Variants in PGC observed in about 807,000 individuals in gnomAD.
The protein encoded by PGC is progastricsin, also known as gastricsin.
A neutral mutation model predicts 45.9 loss-of-function variants in PGC; 31 were observed. The observed-to-expected ratio is 0.67, with a 90% CI of 0.51 to 0.91. The LOEUF is 0.91. Among genes scored for constraint, PGC ranks in the 40% least tolerant of loss-of-function variants. The pLI is 0.00. For synonymous variants in PGC, 192 were observed against 201.8 expected (o/e 0.95, Z 0.41); for missense variants, 477 against 493.2 (o/e 0.97, Z 0.31).
Position 41,744,899 on chromosome 6 carries a change from T to G in PGC, c.60-91A>C. ...CTCTCTCCTTCTCTTAACTGCATGC[T>G]TCAACCTCCCTGCCACTCTGTTTGT... On this transcript the variant is annotated intron_variant, in intron 1 of 8. Coordinates refer to ENST00000373025, the MANE Select transcript of PGC (RefSeq NM_002630.4). This position sits in a 1 kb window ranked among gnomAD's most constrained non-coding sequence, Gnocchi z 4.4. 5.4e-5 allele frequency: 58 copies of G among 1,072,844 alleles called. No homozygotes were observed. The highest frequency in any genetic ancestry group is 6.8e-5 in the Non-Finnish European group (50 of 738,184). The allele number at this position is 1,072,844 out of a possible 1,614,324, so 66.5% of individuals were successfully genotyped here.
At chr6:41,737,656 C>T (rs1397853156) in intron 8 of PGC, 74 bp downstream of exon 8, 2 of 857,046 alleles carry the variant, frequency 2.3e-6, no homozygotes, top group African/African-American at 1.7e-5. Flanking sequence ...GCAGGAGACC[C>T]AGCATTTCTG....
rs531970409 is a variant in PGC, at chr6:41,744,448, C to A, written c.277G>T (p.Gly93Cys). The A allele has an allele frequency of 6.2e-7, 1 of 1,613,526 alleles. No individual in the cohort carries two copies. The highest frequency in any genetic ancestry group is 1.3e-5 in the African/African-American group (1 of 74,998). Residue 93 changes from glycine to cysteine, a missense_variant, in exon 3 of 9, where the codon GGC becomes TGC. Transcript: ENST00000373025. The surrounding 1 kb of genome is among the most constrained non-coding windows in gnomAD (Gnocchi z 4.4). ...PQNFLVLFDT[G>C]SSNLWVPSVY... ...GAGGGCACCCACAAGTTGGAGGAGC[C>A]GGTGTCAAAAAGGACCAGGAAGTTC...
Position 41,744,599 on chromosome 6 carries a change from C to A in PGC, c.210+59G>T, listed in dbSNP as rs746049147. On this transcript the variant is annotated intron_variant, in intron 2 of 8. Coordinates refer to ENST00000373025, the MANE Select transcript of PGC (RefSeq NM_002630.4). This position sits in a 1 kb window ranked among gnomAD's most constrained non-coding sequence, Gnocchi z 4.4. ...ATGGGCAGAGGAGTGAAGGGACCTG[C>A]CCCTTCCCTCCAGCCCACACCAGAG... 8 of 1,589,560 alleles carry A rather than the reference C, an allele frequency of 5.0e-6. No homozygotes were observed. The South Asian group carries it at 8.9e-5, about 18-fold the overall frequency.
Position 41,742,489 on chromosome 6 carries a change from C to T in PGC, c.448G>A (p.Val150Ile). The T allele has an allele frequency of 6.2e-7, 1 of 1,613,900 alleles. No homozygotes were observed. Residue 150 changes from valine to isoleucine, a missense_variant and splice_region_variant, in exon 5 of 9, where the codon GTC becomes ATC. Coordinates refer to ENST00000373025, the MANE Select transcript of PGC (RefSeq NM_002630.4). The part of the protein sequence containing the change: ...TGFFGYDTLT[V>I]QSIQVPNQEF... ...TGGTTGGGGACCTGGATGCTCTGGACCTAATGGAGACACAAACGAGGGGAG... is the reference window on the plus strand; with the variant it reads ...TGGTTGGGGACCTGGATGCTCTGGATCTAATGGAGACACAAACGAGGGGAG...
At position 41,736,928 on chromosome 6, in the gene PGC, CCGAGGATCCA is replaced by C. The variant is rs1771693224; in HGVS notation, c.1081_1090del (p.Trp361GlyfsTer19). 6.2e-7 allele frequency: 1 copy of C among 1,614,058 alleles called. No individual in the cohort carries two copies. Among genetic ancestry groups the C allele is most frequent in the Non-Finnish European group, 8.5e-7 (1 of 1,179,976 alleles). On this transcript the variant is annotated frameshift_variant, in exon 9 of 9. Coordinates refer to ENST00000373025, the MANE Select transcript of PGC (RefSeq NM_002630.4). LOFTEE classifies it high-confidence loss of function. The stretch of plus-strand genomic sequence containing the variant: ...ATAGTAGGACCTGAGGAAGACATCC[CCGAGGATCCA>C]CAGGGGCTGGCCGTTCTGGGAGGAC...
At chr6:41,741,113 T>C (rs1771815691) in intron 5 of PGC, 2 of 1,537,190 alleles carry the variant, frequency 1.3e-6, no homozygotes, top group Non-Finnish European at 1.7e-6. Flanking sequence ...CCCAGCTTGT[T>C]ACTTTTCTGC....
In PGC at chr6:41,736,949, C is replaced by T. The variant is rs745956348; in HGVS notation, c.1070G>A (p.Gly357Asp). 28 of 1,614,052 alleles carry T rather than the reference C, an allele frequency of 1.7e-5. 1 individual carries two copies. The Middle Eastern group carries it at 5.0e-4, about 29-fold the overall frequency. ...ATCCCCGAGGATCCACAGGGGCTGG[C>T]CGTTCTGGGAGGACAGGTAGGTGGG... ...VEPTYLSSQN[G>D]QPLWILGDVF... The change falls in exon 9 of 9, where the codon GGC (glycine) becomes GAC (aspartate). Residue 357 changes from glycine to aspartate, a missense_variant. Transcript: ENST00000373025.
rs1462182183 is a variant in PGC, at chr6:41,738,207, TATATATGC to T, written c.916-387_916-380del. Reference sequence around the variant, plus strand: ...ATATATATGCATATATATATGCATATATATATGCATATATATATGCATATATATATGTA... The same window carrying T: ...ATATATATGCATATATATATGCATATATATATATATGCATATATATATGTA... On this transcript the variant is annotated intron_variant, in intron 7 of 8. Transcript: ENST00000373025. 6.5e-4 allele frequency among the ~76,000 whole-genome samples: 12 copies of T among 18,348 alleles called. 2 individuals are homozygous for T. The highest frequency in any genetic ancestry group is 1.3e-3 in the Admixed American group (2 of 1,534). The allele number at this position is 18,348 out of a possible 152,430, so 12.0% of individuals were successfully genotyped here. A position where few individuals can be genotyped will look rare whatever the true frequency, so the allele number is the denominator to read the frequency against.
chr6:41,737,767 A>G lies in PGC; in HGVS notation c.977T>C (p.Val326Ala). 6.2e-7 allele frequency: 1 copy of G among 1,612,258 alleles called. No individual in the cohort carries two copies. The highest frequency in any genetic ancestry group is 8.5e-7 in the Non-Finnish European group (1 of 1,178,350). ...LPSLTFIING[V>A]EFPLPPSSYI... ...GGAGGAAGGTGGCAGAGGGAACTCC[A>G]CACCATTGATGATGAAGGTCAAGCT... The change falls in exon 8 of 9, where the codon GTG becomes GCG. Residue 326 changes from valine to alanine, a missense_variant. By Grantham distance (64) the Val-to-Ala change is moderately conservative. Coordinates refer to ENST00000373025, the MANE Select transcript of PGC (RefSeq NM_002630.4).
intron 5 of PGC, 36 bp from the exon 6 acceptor site, chr6:41,740,646 G>A (rs527303809): frequency 1.9e-6 from 3 of 1,564,270 alleles, no homozygotes; most frequent in Non-Finnish European, 2.6e-6. Context: ...GTCAGGGAGT[G>A]CCATGGAAAA....
At chr6:41,740,689 G>A in intron 5 of PGC, 79 bp from the exon 6 acceptor site, 4 of 1,512,806 alleles carry the variant, frequency 2.6e-6, no homozygotes, top group South Asian at 1.3e-5. Flanking sequence ...CCTCCACAGG[G>A]AAACAGAGCT....
intron 8 of PGC, 117 bp from the exon 9 acceptor site, chr6:41,737,121 G>A: frequency 9.8e-7 from 1 of 1,024,664 alleles, no homozygotes; most frequent in Non-Finnish European, 1.4e-6. Flanking sequence ...CAGGGTCTCT[G>A]CCTTGAGGGC....
In PGC at chr6:41,739,821, G is replaced by T. The variant is rs1224948409; in HGVS notation, c.893C>A (p.Ala298Asp). 6.2e-7 allele frequency: 1 copy of T among 1,613,862 alleles called. No homozygotes were observed. The highest frequency in any genetic ancestry group is 2.2e-5 in the East Asian group (1 of 44,878). ...YMSALLQATG[A>D]QEDEYGQFLV... Reference sequence around the variant, plus strand: ...CACCTGTCCATACTCATCCTCCTGGGCCCCTGTGGCCTGCAGAAGAGCACT... The same window carrying T: ...CACCTGTCCATACTCATCCTCCTGGTCCCCTGTGGCCTGCAGAAGAGCACT... Residue 298 changes from alanine (A) to aspartate (D), a missense_variant, in exon 7 of 9, where the codon GCC becomes GAC. Coordinates refer to ENST00000373025, the MANE Select transcript of PGC (RefSeq NM_002630.4).
chr6:41,740,604 C>A lies in PGC; in HGVS notation c.654G>T (p.Gln218His). The part of the protein sequence containing the change: ...PVFSVYLSNQ[Q>H]GSSGGAVVFG... ...AGACAACCGCTCCCCCGCTGGAGCC[C>A]TGCTGGCTGCAGGAGAGAAAGGGAA... The change falls in exon 6 of 9, where the codon CAG becomes CAT. Residue 218 changes from glutamine to histidine, a missense_variant. Transcript: ENST00000373025. 1 of 1,598,770 alleles carries A rather than the reference C, an allele frequency of 6.3e-7. No homozygotes were observed. Among genetic ancestry groups the A allele is most frequent in the Non-Finnish European group, 8.5e-7 (1 of 1,173,012 alleles).
rs1771890778 is a variant in PGC, at chr6:41,744,519, G to A, written c.211-5C>T. 1 of 1,608,940 alleles carries A rather than the reference G, an allele frequency of 6.2e-7. No homozygotes were observed. Among genetic ancestry groups the A allele is most frequent in the African/African-American group, 1.3e-5 (1 of 74,822 alleles). On this transcript the variant is annotated splice_region_variant and splice_polypyrimidine_tract_variant and intron_variant, in intron 2 of 8. Coordinates refer to ENST00000373025, the MANE Select transcript of PGC (RefSeq NM_002630.4). The surrounding 1 kb of genome is among the most constrained non-coding windows in gnomAD (Gnocchi z 4.4). ...GATCTCACCAAAGTAGGCAGCCTGG[G>A]GGCCATGGAGCAAGCTGTTAGTTCC...
chr6:41,742,248 G>C (rs1038796123), intron 5 of PGC, 42 bp downstream of exon 5: 2 of 1,575,164 alleles, frequency 1.3e-6, no homozygotes, highest in African/African-American at 1.3e-5. Context: ...GGCGGCCGGG[G>C]GAGCATCCCG....
Position 41,744,871 on chromosome 6 carries a change from T to C in PGC, c.60-63A>G. The C allele has an allele frequency of 7.0e-7, 1 of 1,432,236 alleles. No individual in the cohort carries two copies. Among genetic ancestry groups the C allele is most frequent in the South Asian group, 1.2e-5 (1 of 80,286 alleles). 88.7% of individuals were successfully genotyped at this position (1,432,236 alleles called of 1,614,324 possible). A position where few individuals can be genotyped will look rare whatever the true frequency, so the allele number is the denominator to read the frequency against. Reference sequence around the variant, plus strand: ...CTTCCTCTCTTCCCACTCCTCTCTTTCTCTCTCTCCTTCTCTTAACTGCAT... The same window carrying C: ...CTTCCTCTCTTCCCACTCCTCTCTTCCTCTCTCTCCTTCTCTTAACTGCAT... On this transcript the variant is annotated intron_variant, in intron 1 of 8. Coordinates refer to ENST00000373025, the MANE Select transcript of PGC (RefSeq NM_002630.4). This position sits in a 1 kb window ranked among gnomAD's most constrained non-coding sequence, Gnocchi z 4.4.
intron 1 of PGC, among the ~76,000 whole-genome samples, chr6:41,746,054 C>T (rs558838639): frequency 9.9e-5 from 15 of 151,804 alleles, no homozygotes; most frequent in South Asian, 2.1e-4. Flanking sequence ...CCTAGCTACT[C>T]GGGAGGCTGA....
chr6:41,746,025 G>A (rs1022477898), intron 1 of PGC, among the ~76,000 whole-genome samples: 1 of 152,078 alleles, frequency 6.6e-6, no homozygotes, highest in Non-Finnish European at 1.5e-5. Context: ...AGCCGGGCAT[G>A]GTGGCGCATG....
Sources: allele counts gnomAD v4.1 joint callset (sites outside exome capture counted in the v4.1 genomes callset), GRCh38; gene constraint gnomAD v4.1.1; non-coding constraint Gnocchi (gnomAD v3.1); transcripts MANE v1.5; gene names NCBI Gene and HGNC (gene_info 2026-07-23, HGNC 2026-07-21).